Variants in PTGER1 observed in about 807,000 individuals in gnomAD.
PTGER1 encodes prostaglandin E receptor 1, also known as prostaglandin E2 receptor EP1 subtype.
PTGER1 carries 15 observed loss-of-function variants against 18.5 expected under a neutral mutation model. The ratio of observed to expected loss-of-function variants is 0.81; its 90% CI spans 0.54 to 1.25. PTGER1 has a LOEUF of 1.25. Ranked by LOEUF, PTGER1 falls within the 50% of genes most tolerant of loss-of-function variation. The pLI is 0.00. For missense variants in PTGER1, 567 were observed against 603.4 expected (o/e 0.94, Z 0.63); for synonymous variants, 339 against 308.4 (o/e 1.10, Z -1.04).
In PTGER1 at chr19:14,473,262, C is replaced by G; in HGVS notation, c.942+117G>C. The G allele has an allele frequency of 2.7e-6, 4 of 1,471,150 alleles. No individual in the cohort carries two copies. Among genetic ancestry groups the G allele is most frequent in the Non-Finnish European group, 3.6e-6 (4 of 1,115,894 alleles). 91.1% of individuals were successfully genotyped at this position (1,471,150 alleles called of 1,614,324 possible). On this transcript the variant is annotated intron_variant, in intron 2 of 2. Transcript: ENST00000292513. This position sits in a 1 kb window ranked among gnomAD's most constrained non-coding sequence, Gnocchi z 7.1. ...CGGGGCAGGTGGGGCCTCTAGGGGC[C>G]GGGGCCTTGGTTGAGTCCAGGATGG...
chr19:14,472,561 TAG>T lies in PTGER1; in HGVS notation c.1206_1207del (p.Phe402LeufsTer?). 1 of 1,573,408 alleles carries T rather than the reference TAG, an allele frequency of 6.4e-7. No individual in the cohort carries two copies. ...TAGTCGTTGGGCCTCTGGTTGTGCT[TAG>T]AAGTGGCTGAGGCCGCTGTGCCGGG... On this transcript the variant is annotated frameshift_variant and stop_lost, in exon 3 of 3. Transcript: ENST00000292513. LOFTEE classifies it high-confidence loss of function.
chr19:14,473,736 C>CG lies in PTGER1; in HGVS notation c.584dup (p.Gly197ArgfsTer?). 1 of 1,459,266 alleles carries CG rather than the reference C, an allele frequency of 6.9e-7. No individual in the cohort carries two copies. Among genetic ancestry groups the CG allele is most frequent in the Admixed American group, 2.5e-5 (1 of 40,270 alleles). The allele number at this position is 1,459,266 out of a possible 1,614,324, so 90.4% of individuals were successfully genotyped here. ...CAAGCAGTGCCTGGCGCCAGCCGCC[C>CG]GGGGGACCCAGGCCGATGAAGCACC... On this transcript the variant is annotated frameshift_variant, in exon 2 of 3. Transcript: ENST00000292513. LOFTEE classifies it high-confidence loss of function. This position sits in a 1 kb window ranked among gnomAD's most constrained non-coding sequence, Gnocchi z 7.1.
rs1299193889 is a variant in PTGER1, at chr19:14,473,634, C to T, written c.687G>A (p.Leu229=). The T allele has an allele frequency of 2.7e-6, 4 of 1,471,980 alleles. No individual in the cohort carries two copies. The highest frequency in any genetic ancestry group is 5.0e-5 in the Admixed American group (2 of 40,026). The allele number at this position is 1,471,980 out of a possible 1,614,324, so 91.2% of individuals were successfully genotyped here. The part of the protein sequence containing the change: ...LVCNTLSGLA[L]LRARWRRRSR... ...AGCGGCGTCGCCAGCGGGCGCGTAG[C>T]AGGGCCAGGCCGCTGAGCGTGTTGC... is the stretch of plus-strand genomic sequence containing the variant. The change falls in exon 2 of 3, where the codon CTG becomes CTA. Residue 229 remains leucine, a synonymous_variant. Transcript: ENST00000292513. This position sits in a 1 kb window ranked among gnomAD's most constrained non-coding sequence, Gnocchi z 7.1.
In PTGER1 at chr19:14,472,803, G is replaced by A. The variant is rs752604501; in HGVS notation, c.966C>T (p.Gly322=). The A allele has an allele frequency of 3.5e-5, 54 of 1,558,590 alleles. No individual in the cohort carries two copies. The highest frequency in any genetic ancestry group is 5.9e-5 in the South Asian group (5 of 85,032). Residue 322 remains glycine (G), a synonymous_variant, in exon 3 of 3, where the codon GGC becomes GGT. Coordinates refer to ENST00000292513, the MANE Select transcript of PTGER1 (RefSeq NM_000955.3). Reference sequence around the variant, plus strand: ...GCTGCAGGGAGGTAGAGCTCCAGCCGCCGACGGCCAGCGCCACCAACACCT... The same window carrying A: ...GCTGCAGGGAGGTAGAGCTCCAGCCACCGACGGCCAGCGCCACCAACACCT... ...PMLVLVALAV[G]GWSSTSLQRP...
At position 14,474,731 on chromosome 19, in the gene PTGER1, C is replaced by T. The variant is rs2071597679; in HGVS notation, c.-17-394G>A. On this transcript the variant is annotated intron_variant, in intron 1 of 2. Coordinates refer to ENST00000292513, the MANE Select transcript of PTGER1 (RefSeq NM_000955.3). The surrounding 1 kb of genome is among the most constrained non-coding windows in gnomAD (Gnocchi z 5.4). ...TCCATCTGATAGCTCTCACCCATTTCTGCCACTGTGGCCCTACCTGACTTT... is the reference window on the plus strand; with the variant it reads ...TCCATCTGATAGCTCTCACCCATTTTTGCCACTGTGGCCCTACCTGACTTT... Among the ~76,000 whole-genome samples, 1 of 152,132 alleles carries T rather than the reference C, an allele frequency of 6.6e-6. No homozygotes were observed. Among genetic ancestry groups the T allele is most frequent in the South Asian group, 2.1e-4 (1 of 4,834 alleles).
chr19:14,473,773 T>G lies in PTGER1; in HGVS notation c.548A>C (p.Tyr183Ser). Residue 183 changes from tyrosine to serine, a missense_variant, in exon 2 of 3, where the codon TAC becomes TCC. Tyr to Ser is a moderately radical substitution (Grantham distance 144, BLOSUM62 -2). Coordinates refer to ENST00000292513, the MANE Select transcript of PTGER1 (RefSeq NM_000955.3). This position sits in a 1 kb window ranked among gnomAD's most constrained non-coding sequence, Gnocchi z 7.1. ...GCCGATGAAGCACCACGTGCCCGGG[T>G]ACTGCAGCTCATAGCGGCCCACGCG... ...LARVGRYELQ[Y>S]PGTWCFIGLG... The G allele has an allele frequency of 1.4e-6, 2 of 1,455,014 alleles. No individual in the cohort carries two copies. Among genetic ancestry groups the G allele is most frequent in the Non-Finnish European group, 1.8e-6 (2 of 1,108,560 alleles). The allele number at this position is 1,455,014 out of a possible 1,614,324, so 90.1% of individuals were successfully genotyped here.
chr19:14,472,876 G>C, intron 2 of PTGER1, 50 bp from the exon 3 acceptor site: 1 of 1,501,630 alleles, frequency 6.7e-7, no homozygotes, highest in Non-Finnish European at 8.9e-7. Flanking sequence ...GCGCAGGGGG[G>C]CGCAGGGATG....
rs1373838493 is a variant in PTGER1, at chr19:14,474,195, G to A, written c.126C>T (p.Ser42=). Reference sequence around the variant, plus strand: ...GGTTGGACACGGCGCCCAGCGTCATGGAGAAGATGGGCAGCGCGGGCGAAG... The same window carrying A: ...GGTTGGACACGGCGCCCAGCGTCATAGAGAAGATGGGCAGCGCGGGCGAAG... ...SGASPALPIF[S]MTLGAVSNLL... is the part of the protein sequence containing the mutation. The change falls in exon 2 of 3, where the codon TCC becomes TCT. Residue 42 remains serine, a synonymous_variant. Coordinates refer to ENST00000292513, the MANE Select transcript of PTGER1 (RefSeq NM_000955.3). This position sits in a 1 kb window ranked among gnomAD's most constrained non-coding sequence, Gnocchi z 5.4. The A allele has an allele frequency of 1.3e-6, 2 of 1,521,986 alleles. No homozygotes were observed. Among genetic ancestry groups the A allele is most frequent in the South Asian group, 1.2e-5 (1 of 83,252 alleles). 94.3% of individuals were successfully genotyped at this position (1,521,986 alleles called of 1,614,324 possible).
rs895799594 is a variant in PTGER1 at position 14,474,006 on chromosome 19, C to T, written c.315G>A (p.Pro105=). Residue 105 remains proline, a synonymous_variant, in exon 2 of 3, where the codon CCG becomes CCA. Transcript: ENST00000292513. This position sits in a 1 kb window ranked among gnomAD's most constrained non-coding sequence, Gnocchi z 5.4. ...VLRLYTAGRA[P]AGGACHFLGG... ...CCAGGAAGTGGCAGGCCCCGCCGGC[C>T]GGAGCGCGCCCCGCAGTGTACAGAC... 2.0e-6 allele frequency: 3 copies of T among 1,500,906 alleles called. No homozygotes were observed. The highest frequency in any genetic ancestry group is 2.1e-5 in the Admixed American group (1 of 48,412). 93.0% of individuals were successfully genotyped at this position (1,500,906 alleles called of 1,614,324 possible). A position where few individuals can be genotyped will look rare whatever the true frequency, so the allele number is the denominator to read the frequency against.
rs74664087 is a variant in PTGER1, at chr19:14,473,944, A to G, written c.377T>C (p.Leu126Pro). The change falls in exon 2 of 3, where the codon CTG becomes CCG. Residue 126 changes from leucine (L) to proline (P), a missense_variant. Leu to Pro is a moderately conservative substitution (Grantham distance 98). Coordinates refer to ENST00000292513, the MANE Select transcript of PTGER1 (RefSeq NM_000955.3). This position sits in a 1 kb window ranked among gnomAD's most constrained non-coding sequence, Gnocchi z 7.1. The stretch of plus-strand genomic sequence containing the variant: ...CTCCACGGCCATGCCACAGCCCAGC[A>G]GCAGCGGGCACAGGCCGAAGAAGAC... ...CMVFFGLCPL[L>P]LGCGMAVERC... 2.3e-3 allele frequency: 3,441 copies of G among 1,474,592 alleles called. 9 individuals are homozygous for G. Among genetic ancestry groups the G allele is most frequent in the Non-Finnish European group, 2.8e-3 (3,117 of 1,117,554 alleles). 91.3% of individuals were successfully genotyped at this position (1,474,592 alleles called of 1,614,324 possible). A position where few individuals can be genotyped will look rare whatever the true frequency, so the allele number is the denominator to read the frequency against.
Position 14,473,659 on chromosome 19 carries a change from C to T in PTGER1, c.662G>A (p.Cys221Tyr). 1 of 1,477,048 alleles carries T rather than the reference C, an allele frequency of 6.8e-7. No individual in the cohort carries two copies. Among genetic ancestry groups the T allele is most frequent in the African/African-American group, 1.5e-5 (1 of 68,158 alleles). 91.5% of individuals were successfully genotyped at this position (1,477,048 alleles called of 1,614,324 possible). ...GLVALLAALVCNTLSGLALLR... is the reference protein window; with the variant it reads ...GLVALLAALVYNTLSGLALLR... ...CAGGGCCAGGCCGCTGAGCGTGTTG[C>T]ACACCAGCGCGGCGAGGAGCGCGAC... The change falls in exon 2 of 3, where the codon TGC becomes TAC. Residue 221 changes from cysteine to tyrosine, a missense_variant. Physicochemically the swap from Cys to Tyr is radical, Grantham distance 194. Coordinates refer to ENST00000292513, the MANE Select transcript of PTGER1 (RefSeq NM_000955.3). The surrounding 1 kb of genome is among the most constrained non-coding windows in gnomAD (Gnocchi z 7.1).
Position 14,473,967 on chromosome 19 carries a change from G to C in PTGER1, c.354C>G (p.Val118=). The C allele has an allele frequency of 6.7e-7, 1 of 1,495,638 alleles. No homozygotes were observed. Among genetic ancestry groups the C allele is most frequent in the South Asian group, 1.2e-5 (1 of 81,310 alleles). 92.6% of individuals were successfully genotyped at this position (1,495,638 alleles called of 1,614,324 possible). Residue 118 remains valine (V), a synonymous_variant, in exon 2 of 3, where the codon GTC becomes GTG. Transcript: ENST00000292513. This position sits in a 1 kb window ranked among gnomAD's most constrained non-coding sequence, Gnocchi z 7.1. ...GCAGCAGCGGGCACAGGCCGAAGAA[G>C]ACCATGCAGCCGCCCAGGAAGTGGC... ...GACHFLGGCM[V]FFGLCPLLLG... is the part of the protein sequence containing the mutation.
chr19:14,474,471 GC>G lies in PTGER1; in HGVS notation c.-17-135del. 1 of 1,002,282 alleles carries G rather than the reference GC, an allele frequency of 1.0e-6. No individual in the cohort carries two copies. The highest frequency in any genetic ancestry group is 1.7e-5 in the African/African-American group (1 of 57,890). 62.1% of individuals were successfully genotyped at this position (1,002,282 alleles called of 1,614,324 possible). ...GGCGGCCCCTCTGCCCATGGCAGTT[GC>G]CATGGGCAACTCCAAATGACCTGGC... On this transcript the variant is annotated intron_variant, in intron 1 of 2. Transcript: ENST00000292513. The surrounding 1 kb of genome is among the most constrained non-coding windows in gnomAD (Gnocchi z 5.4).
In PTGER1 at chr19:14,474,137, C is replaced by A. The variant is rs759712149; in HGVS notation, c.184G>T (p.Gly62Cys). 12 of 1,438,266 alleles carry A rather than the reference C, an allele frequency of 8.3e-6. No homozygotes were observed. The Admixed American group carries it at 3.7e-4, about 44-fold the overall frequency. The allele number at this position is 1,438,266 out of a possible 1,614,324, so 89.1% of individuals were successfully genotyped here. A position where few individuals can be genotyped will look rare whatever the true frequency, so the allele number is the denominator to read the frequency against. Residue 62 changes from glycine to cysteine, a missense_variant, in exon 2 of 3, where the codon GGC becomes TGC. Physicochemically the swap from Gly to Cys is radical, Grantham distance 159. Transcript: ENST00000292513. This position sits in a 1 kb window ranked among gnomAD's most constrained non-coding sequence, Gnocchi z 5.4. ...LALALLAQAA[G>C]RLRRRRSAAT... is the part of the protein sequence containing the mutation. ...GCCGAGCGGCGGCGTCGCAGGCGGC[C>A]CGCGGCCTGCGCCAGCAGCGCCAGC...
Position 14,472,501 on chromosome 19 carries a change from C to T in PTGER1, c.*59G>A. 2.0e-6 allele frequency: 3 copies of T among 1,479,774 alleles called. No individual in the cohort carries two copies. Among genetic ancestry groups the T allele is most frequent in the Non-Finnish European group, 2.7e-6 (3 of 1,122,912 alleles). The allele number at this position is 1,479,774 out of a possible 1,614,324, so 91.7% of individuals were successfully genotyped here. On this transcript the variant is annotated 3_prime_UTR_variant, in exon 3 of 3. Transcript: ENST00000292513. The stretch of plus-strand genomic sequence containing the variant: ...GCTTTTTATTCCCAAAGGCTCTGCG[C>T]CGCGCACCTGGGCCCAGCCCAGGGT...
Position 14,473,232 on chromosome 19 carries a change from G to A in PTGER1, c.942+147C>T. The A allele has an allele frequency of 7.1e-7, 1 of 1,399,106 alleles. No individual in the cohort carries two copies. Among genetic ancestry groups the A allele is most frequent in the South Asian group, 1.5e-5 (1 of 67,724 alleles). 86.7% of individuals were successfully genotyped at this position (1,399,106 alleles called of 1,614,324 possible). A position where few individuals can be genotyped will look rare whatever the true frequency, so the allele number is the denominator to read the frequency against. On this transcript the variant is annotated intron_variant, in intron 2 of 2. Transcript: ENST00000292513. The surrounding 1 kb of genome is among the most constrained non-coding windows in gnomAD (Gnocchi z 7.1). ...AGGTCAGATGGAGAAGGCGATGCTG[G>A]CTTTCGGGGCAGGTGGGGCCTCTAG...
At position 14,474,092 on chromosome 19, in the gene PTGER1, C is replaced by G. The variant is rs1332327694; in HGVS notation, c.229G>C (p.Val77Leu). The G allele has an allele frequency of 1.3e-6, 2 of 1,486,886 alleles. No individual in the cohort carries two copies. Among genetic ancestry groups the G allele is most frequent in the South Asian group, 1.3e-5 (1 of 79,488 alleles). The allele number at this position is 1,486,886 out of a possible 1,614,324, so 92.1% of individuals were successfully genotyped here. A position where few individuals can be genotyped will look rare whatever the true frequency, so the allele number is the denominator to read the frequency against. ...AGGTCGGTGGCCAGCAGGCTGGCCACGAACAGCAGGAAGGTGGCGGCCGAG... is the reference window on the plus strand; with the variant it reads ...AGGTCGGTGGCCAGCAGGCTGGCCAGGAACAGCAGGAAGGTGGCGGCCGAG... ...RRSAATFLLF[V>L]ASLLATDLAG... Residue 77 changes from valine to leucine, a missense_variant, in exon 2 of 3, where the codon GTG becomes CTG. Coordinates refer to ENST00000292513, the MANE Select transcript of PTGER1 (RefSeq NM_000955.3). This position sits in a 1 kb window ranked among gnomAD's most constrained non-coding sequence, Gnocchi z 5.4.
rs2071598441 is a variant in PTGER1, at chr19:14,474,877, T to C, written c.-18+385A>G. ...CCATGGACCCATCTCTGACCCCACA[T>C]GGCACAGCCACATCTGTGCCATGGA... On this transcript the variant is annotated intron_variant, in intron 1 of 2. Transcript: ENST00000292513. This position sits in a 1 kb window ranked among gnomAD's most constrained non-coding sequence, Gnocchi z 5.4. 6.6e-6 allele frequency among the ~76,000 whole-genome samples: 1 copy of C among 152,090 alleles called. No homozygotes were observed. Among genetic ancestry groups the C allele is most frequent in the South Asian group, 2.1e-4 (1 of 4,830 alleles).
chr19:14,472,863 C>T, intron 2 of PTGER1, 37 bp from the exon 3 acceptor site: 1 of 1,518,334 alleles, frequency 6.6e-7, no homozygotes, highest in Non-Finnish European at 8.8e-7. Flanking sequence ...AGAGCAGGCG[C>T]GGGCGCAGGG....
Sources: gnomAD v4.1 joint callset for allele counts (sites outside exome capture counted in the v4.1 genomes callset) on GRCh38, gnomAD v4.1.1 for gene constraint, Gnocchi (gnomAD v3.1) non-coding constraint, MANE v1.5 for transcripts, NCBI Gene and HGNC (gene_info 2026-07-23, HGNC 2026-07-21) for gene names.